Variants in BCL2L11 observed in about 807,000 individuals in gnomAD.
The protein encoded by BCL2L11 is BCL2 like 11.
In BCL2L11, 15 loss-of-function variants were observed where a neutral mutation model predicts 20.6. The ratio of observed to expected loss-of-function variants is 0.73; its 90% CI spans 0.49 to 1.12. The LOEUF (loss-of-function observed/expected upper bound fraction) is 1.12, where lower values mean the gene tolerates loss of function less well. Among genes scored for constraint, BCL2L11 ranks in the 50% most tolerant of loss-of-function variants. BCL2L11 has a pLI of 0.00. For missense variants in BCL2L11, 292 were observed against 260.9 expected (o/e 1.12, Z -0.82); for synonymous variants, 108 against 92.8 (o/e 1.16, Z -0.94).
intron 3 of BCL2L11, among the ~76,000 whole-genome samples, chr2:111,155,556 G>A (rs1406054376): frequency 6.6e-6 from 1 of 152,118 alleles, no homozygotes; most frequent in Non-Finnish European, 1.5e-5. Context: ...CAACCAACAT[G>A]CCTCCCTCTT....
chr2:111,153,629 T>C, intron 3 of BCL2L11: 1 of 889,016 alleles, frequency 1.1e-6, no homozygotes. Context: ...AGCGAGTGTA[T>C]CTCACTGTGC....
intron 3 of BCL2L11, among the ~76,000 whole-genome samples, chr2:111,150,429 T>TA (rs1408003039): frequency 1.3e-5 from 2 of 152,278 alleles, no homozygotes; most frequent in Non-Finnish European, 2.9e-5. Flanking sequence ...GACTTTGAGA[T>TA]AGTCTAGAAA....
chr2:111,126,330 C>CTAATGGTTATACCTGTGAAGTGCA (rs2072610099), intron 2 of BCL2L11, among the ~76,000 whole-genome samples: 1 of 152,094 alleles, frequency 6.6e-6, no homozygotes, highest in Non-Finnish European at 1.5e-5. Context: ...TTATGCACAG[C>CTAATGGTTATACCTGTGAAGTGCA]TAATGGTTAT....
intron 3 of BCL2L11, among the ~76,000 whole-genome samples, chr2:111,150,731 G>A (rs2077145791): frequency 6.6e-6 from 1 of 152,170 alleles, no homozygotes; most frequent in Non-Finnish European, 1.5e-5. Context: ...TTATATTATA[G>A]ATAATTGCCA....
At chr2:111,134,057 T>C (rs1158407210) in intron 2 of BCL2L11, among the ~76,000 whole-genome samples, 4 of 152,208 alleles carry the variant, frequency 2.6e-5, no homozygotes, top group Admixed American at 2.6e-4. Context: ...CATCTGCATA[T>C]GTTGTATTTG....
At position 111,166,278 on chromosome 2, in the gene BCL2L11, G is replaced by A. The variant is rs559422197; in HGVS notation, c.*2047G>A. ...CCTGCAGCCCCTGGGAGCACACACT[G>A]GGTGCAGCCCTGGGCCAGGCACGGG... On this transcript the variant is annotated 3_prime_UTR_variant, in exon 4 of 4. Transcript: ENST00000393256. 17 of 152,914 alleles carry A rather than the reference G, an allele frequency of 1.1e-4. No individual in the cohort carries two copies. Among genetic ancestry groups the A allele is most frequent in the African/African-American group, 3.8e-4 (16 of 41,600 alleles). 9.5% of individuals were successfully genotyped at this position (152,914 alleles called of 1,614,324 possible).
Position 111,167,409 on chromosome 2 carries a change from G to A in BCL2L11, c.*3178G>A, listed in dbSNP as rs2079074149. 1 of 152,238 alleles carries A rather than the reference G, an allele frequency of 6.6e-6. No homozygotes were observed. Among genetic ancestry groups the A allele is most frequent in the Admixed American group, 6.5e-5 (1 of 15,280 alleles). The allele number at this position is 152,238 out of a possible 1,614,324, so 9.4% of individuals were successfully genotyped here. A position where few individuals can be genotyped will look rare whatever the true frequency, so the allele number is the denominator to read the frequency against. On this transcript the variant is annotated 3_prime_UTR_variant, in exon 4 of 4. Coordinates refer to ENST00000393256, the MANE Select transcript of BCL2L11 (RefSeq NM_138621.5). ...CCAGCAACCTTCTGTTTGTTCCAAA[G>A]CAACTAGCTTATCATGCAAGCAAAT... is the stretch of plus-strand genomic sequence containing the variant.
intron 2 of BCL2L11, among the ~76,000 whole-genome samples, chr2:111,142,885 A>G (rs1575076394): frequency 6.6e-6 from 1 of 152,356 alleles, no homozygotes; most frequent in East Asian, 1.9e-4. Flanking sequence ...GTAACTTCAA[A>G]TTAAGCATTT....
At chr2:111,126,030 C>T (rs115365874) in intron 2 of BCL2L11, among the ~76,000 whole-genome samples, 2,426 of 152,264 alleles carry the variant, frequency 0.016, 88 homozygotes, top group African/African-American at 0.055. Context: ...TAGCTTTTCA[C>T]ACTTTCACAA....
chr2:111,163,222 G>A (rs2078781905), intron 3 of BCL2L11: 1 of 152,168 alleles, frequency 6.6e-6, no homozygotes, highest in African/African-American at 2.4e-5. Context: ...AATGAGAAGG[G>A]GGTTTGTGGA....
rs1161090196 is a variant in BCL2L11, at chr2:111,121,021, C to T, written c.-181C>T. 3 of 379,890 alleles carry T rather than the reference C, an allele frequency of 7.9e-6. 1 individual carries two copies. The highest frequency in any genetic ancestry group is 3.9e-5 in the South Asian group (1 of 25,506). 23.5% of individuals were successfully genotyped at this position (379,890 alleles called of 1,614,324 possible). On this transcript the variant is annotated 5_prime_UTR_variant, in exon 1 of 4. Transcript: ENST00000393256. ...CCGCCGCCGCCGCCGCCGCCGCCGCCACTACCACCACTTGATTCTTGCAGC... is the reference window on the plus strand; with the variant it reads ...CCGCCGCCGCCGCCGCCGCCGCCGCTACTACCACCACTTGATTCTTGCAGC...
intron 2 of BCL2L11, chr2:111,128,580 G>C (rs1206671871): frequency 7.5e-6 from 11 of 1,469,742 alleles, no homozygotes; most frequent in Non-Finnish European, 8.9e-6. Flanking sequence ...AAGGGTTCCA[G>C]TTTCTCCACA....
rs1296903851 is a variant in BCL2L11, at chr2:111,167,416, G to C, written c.*3185G>C. Reference sequence around the variant, plus strand: ...CCTTCTGTTTGTTCCAAAGCAACTAGCTTATCATGCAAGCAAATTTTGCTG... The same window carrying C: ...CCTTCTGTTTGTTCCAAAGCAACTACCTTATCATGCAAGCAAATTTTGCTG... On this transcript the variant is annotated 3_prime_UTR_variant, in exon 4 of 4. Coordinates refer to ENST00000393256, the MANE Select transcript of BCL2L11 (RefSeq NM_138621.5). 6.6e-6 allele frequency: 1 copy of C among 152,228 alleles called. No homozygotes were observed. The highest frequency in any genetic ancestry group is 1.5e-5 in the Non-Finnish European group (1 of 68,044). 9.4% of individuals were successfully genotyped at this position (152,228 alleles called of 1,614,324 possible). A position where few individuals can be genotyped will look rare whatever the true frequency, so the allele number is the denominator to read the frequency against.
In BCL2L11 at chr2:111,120,976, CGCT is replaced by C. The variant is rs1305190668; in HGVS notation, c.-223_-221del. 143 of 284,492 alleles carry C rather than the reference CGCT, an allele frequency of 5.0e-4. No homozygotes were observed. The highest frequency in any genetic ancestry group is 2.3e-3 in the East Asian group (35 of 15,460). The allele number at this position is 284,492 out of a possible 1,614,324, so 17.6% of individuals were successfully genotyped here. A position where few individuals can be genotyped will look rare whatever the true frequency, so the allele number is the denominator to read the frequency against. On this transcript the variant is annotated 5_prime_UTR_variant, in exon 1 of 4. Transcript: ENST00000393256. ...GGAGCTCTGCGTCCAGCGCCGCTGC[CGCT>C]GCCGCCGCCGCCGCCGCCGCCGCCG...
intron 2 of BCL2L11, among the ~76,000 whole-genome samples, chr2:111,136,621 G>A (rs1293431398): frequency 6.6e-6 from 1 of 152,198 alleles, no homozygotes; most frequent in African/African-American, 2.4e-5. Context: ...GACAAAAGCA[G>A]GTTTGGTGTG....
intron 2 of BCL2L11, among the ~76,000 whole-genome samples, chr2:111,143,418 A>T (rs1226008685): frequency 6.6e-6 from 1 of 152,192 alleles, no homozygotes; most frequent in African/African-American, 2.4e-5. Flanking sequence ...GTTTAGGACC[A>T]GGTTTGGCAC....
At position 111,167,004 on chromosome 2, in the gene BCL2L11, T is replaced by C. The variant is rs760193377; in HGVS notation, c.*2773T>C. 2.0e-5 allele frequency: 3 copies of C among 152,666 alleles called. No individual in the cohort carries two copies. Among genetic ancestry groups the C allele is most frequent in the Non-Finnish European group, 4.4e-5 (3 of 68,040 alleles). 9.5% of individuals were successfully genotyped at this position (152,666 alleles called of 1,614,324 possible). On this transcript the variant is annotated 3_prime_UTR_variant, in exon 4 of 4. Transcript: ENST00000393256. ...AAAAATCACTGTTTTTCTCAACTTTTTCAAAATCAAGGATTGTAAATATTG... is the reference window on the plus strand; with the variant it reads ...AAAAATCACTGTTTTTCTCAACTTTCTCAAAATCAAGGATTGTAAATATTG...
chr2:111,146,416 G>A (rs866481990), intron 2 of BCL2L11: 3 of 254,032 alleles, frequency 1.2e-5, no homozygotes, highest in Admixed American at 6.5e-5. Context: ...GAGTATGTTA[G>A]GATAGGAGGA....
intron 3 of BCL2L11, among the ~76,000 whole-genome samples, chr2:111,157,537 T>C (rs566463384): frequency 3.3e-5 from 5 of 152,174 alleles, no homozygotes; most frequent in Non-Finnish European, 7.4e-5. Context: ...TTCTCTGTGG[T>C]TGGCCATAGA....
Sources: gnomAD v4.1 joint callset for allele counts (sites outside exome capture counted in the v4.1 genomes callset) on GRCh38, gnomAD v4.1.1 for gene constraint, MANE v1.5 for transcripts, NCBI Gene and HGNC (gene_info 2026-07-23, HGNC 2026-07-21) for gene names.